ANKS1B: variants seen among roughly 807,000 people sequenced by gnomAD.
The protein encoded by ANKS1B is ankyrin repeat and sterile alpha motif domain containing 1B.
Under a neutral mutation model 148.3 loss-of-function variants are expected in ANKS1B, and 36 were observed. The ratio of observed to expected loss-of-function variants is 0.24; its 90% CI spans 0.19 to 0.32. ANKS1B has a LOEUF of 0.32. Ranked by LOEUF, ANKS1B falls within the 10% of genes least tolerant of loss-of-function variation. The probability of loss-of-function intolerance (pLI) is 1.00; values close to 1 mark genes in which losing one functional copy is unlikely to be tolerated. For missense variants in ANKS1B, 1,157 were observed against 1,542.6 expected, an observed-to-expected ratio of 0.75 and a Z score of 4.19; for synonymous variants, 542 against 560.8, an observed-to-expected ratio of 0.97 and a Z score of 0.47.
At chr12:99,001,782 T>G (rs2099933166) in intron 17 of ANKS1B, among the ~76,000 whole-genome samples, 1 of 152,188 alleles carries the variant, frequency 6.6e-6, no homozygotes, top group African/African-American at 2.4e-5. Flanking sequence ...AACAGAAAGT[T>G]TACATCCTTT....
intron 17 of ANKS1B, among the ~76,000 whole-genome samples, chr12:99,022,735 G>A (rs560240754): frequency 1.1e-4 from 17 of 152,094 alleles, no homozygotes; most frequent in Middle Eastern, 6.8e-3. Context: ...TGTCCAGGCT[G>A]GAGTGCAGTG....
intron 26 of ANKS1B, 46 bp from the exon 27 acceptor site, chr12:98,745,895 G>A (rs1427822647): frequency 2.5e-6 from 4 of 1,577,676 alleles, no homozygotes; most frequent in Non-Finnish European, 8.6e-7. Context: ...CGCCGCGCGG[G>A]TGCGCGCATG....
At chr12:99,642,978 C>T (rs2098325385) in intron 9 of ANKS1B, among the ~76,000 whole-genome samples, 1 of 151,886 alleles carries the variant, frequency 6.6e-6, no homozygotes, top group African/African-American at 2.4e-5. Context: ...TTCATAATTA[C>T]ATTGGGCACA....
intron 9 of ANKS1B, among the ~76,000 whole-genome samples, chr12:99,606,765 T>C (rs1313481667): frequency 1.3e-5 from 2 of 152,140 alleles, no homozygotes; most frequent in Non-Finnish European, 2.9e-5. Flanking sequence ...TACCTAACTG[T>C]ATTCATTCTT....
intron 12 of ANKS1B, among the ~76,000 whole-genome samples, chr12:99,358,442 G>T (rs1348602019): frequency 2.0e-5 from 3 of 151,918 alleles, no homozygotes; most frequent in Non-Finnish European, 4.4e-5. Context: ...TTTATATTTA[G>T]TAGGGTTTTT....
At chr12:99,239,073 G>T (rs1302797692) in intron 14 of ANKS1B, among the ~76,000 whole-genome samples, 1 of 152,146 alleles carries the variant, frequency 6.6e-6, no homozygotes, top group Non-Finnish European at 1.5e-5. Context: ...TGAGTTTGAT[G>T]AGTTGACAGA....
intron 8 of ANKS1B, among the ~76,000 whole-genome samples, chr12:99,667,827 G>T (rs2098517005): frequency 6.6e-6 from 1 of 152,096 alleles, no homozygotes; most frequent in Non-Finnish European, 1.5e-5. Context: ...CCTTTATTCT[G>T]TTAATGTGGT....
intron 12 of ANKS1B, among the ~76,000 whole-genome samples, chr12:99,256,717 T>G (rs2075302345): frequency 6.6e-6 from 1 of 152,218 alleles, no homozygotes; most frequent in Non-Finnish European, 1.5e-5. Flanking sequence ...TTGTTAATTC[T>G]GCTATAATGA....
At chr12:98,873,798 T>C (rs2152420947) in intron 17 of ANKS1B, among the ~76,000 whole-genome samples, 1 of 152,296 alleles carries the variant, frequency 6.6e-6, no homozygotes, top group Middle Eastern at 3.4e-3. Flanking sequence ...TACTTGCCAA[T>C]AAACAGAAAC....
intron 1 of ANKS1B, among the ~76,000 whole-genome samples, chr12:99,896,087 G>C (rs981603747): frequency 6.6e-6 from 1 of 151,220 alleles, no homozygotes; most frequent in Non-Finnish European, 1.5e-5. Context: ...CTTTGTATGT[G>C]TGTGGTACAA....
intron 14 of ANKS1B, among the ~76,000 whole-genome samples, chr12:99,225,450 T>C (rs992466217): frequency 1.3e-5 from 2 of 152,194 alleles, no homozygotes; most frequent in Non-Finnish European, 2.9e-5. Flanking sequence ...TCAATTTGAT[T>C]GGACTGAAGG....
intron 9 of ANKS1B, among the ~76,000 whole-genome samples, chr12:99,602,511 A>G (rs556278181): frequency 1.8e-4 from 27 of 152,244 alleles, no homozygotes; most frequent in African/African-American, 6.3e-4. Context: ...GACAATTTCT[A>G]GATTTGGCCT....
At chr12:99,231,949 G>T (rs1457466227) in intron 14 of ANKS1B, among the ~76,000 whole-genome samples, 1 of 152,126 alleles carries the variant, frequency 6.6e-6, no homozygotes, top group Admixed American at 6.6e-5. Context: ...GGAAGCCAGA[G>T]AGCATTTACT....
intron 17 of ANKS1B, among the ~76,000 whole-genome samples, chr12:99,009,873 A>C (rs2153405601): frequency 6.6e-6 from 1 of 152,108 alleles, no homozygotes; most frequent in East Asian, 1.9e-4. Context: ...AAACCCAAAA[A>C]CTGAGTGAAT....
intron 16 of ANKS1B, among the ~76,000 whole-genome samples, chr12:99,072,669 C>A (rs1351779476): frequency 6.6e-6 from 1 of 152,128 alleles, no homozygotes; most frequent in Non-Finnish European, 1.5e-5. Flanking sequence ...TGGTTAAGAA[C>A]CTCTGTTAAG....
At chr12:99,820,480 A>T (rs1254981415) in intron 2 of ANKS1B, among the ~76,000 whole-genome samples, 1 of 151,958 alleles carries the variant, frequency 6.6e-6, no homozygotes, top group Non-Finnish European at 1.5e-5. Context: ...TAGCCTACCA[A>T]TTATAATGTT....
chr12:99,529,075 G>A (rs1471545159), intron 9 of ANKS1B, among the ~76,000 whole-genome samples: 1 of 152,110 alleles, frequency 6.6e-6, no homozygotes, highest in Non-Finnish European at 1.5e-5. Context: ...CATACCCCAG[G>A]TGAAATTGGA....
At chr12:99,876,251 A>C (rs1363806605) in intron 1 of ANKS1B, among the ~76,000 whole-genome samples, 1 of 152,220 alleles carries the variant, frequency 6.6e-6, no homozygotes, top group Non-Finnish European at 1.5e-5. Flanking sequence ...AAGAGAGATA[A>C]GTATGAAAAT....
chr12:99,527,017 T>C (rs1488452216), intron 9 of ANKS1B, among the ~76,000 whole-genome samples: 2 of 152,114 alleles, frequency 1.3e-5, no homozygotes, highest in Admixed American at 6.5e-5. Context: ...AGCCAAGAAA[T>C]GCTAAACATT....
Sources: gnomAD v4.1 joint callset for allele counts (sites outside exome capture counted in the v4.1 genomes callset) on GRCh38, gnomAD v4.1.1 for gene constraint, MANE v1.5 for transcripts, NCBI Gene and HGNC (gene_info 2026-07-23, HGNC 2026-07-21) for gene names.